MTA3: variants seen among roughly 807,000 people sequenced by gnomAD.
MTA3 encodes metastasis associated 1 family member 3, also known as metastasis-associated protein MTA3.
A neutral mutation model predicts 83.5 loss-of-function variants in MTA3; 34 were observed. That is an observed-to-expected ratio of 0.41 (90% confidence interval 0.31 to 0.54). MTA3 has a LOEUF of 0.54. Among genes scored for constraint, MTA3 ranks in the 20% least tolerant of loss-of-function variants. The pLI, the probability that MTA3 is intolerant of heterozygous loss-of-function variation, is 0.33. For synonymous variants in MTA3, 303 were observed against 252.7 expected (o/e 1.20, Z -1.89); for missense variants, 761 against 726.4 (o/e 1.05, Z -0.55).
chr2:42,521,748 T>A (rs1272942625), intron 2 of MTA3, among the ~76,000 whole-genome samples: 1 of 116,226 alleles, frequency 8.6e-6, no homozygotes, highest in East Asian at 2.5e-4. Flanking sequence ...TGAATCTTTC[T>A]CTCTTTTTTT....
At chr2:42,535,203 A>G (rs1253683262) in intron 2 of MTA3, among the ~76,000 whole-genome samples, 2 of 151,890 alleles carry the variant, frequency 1.3e-5, no homozygotes, top group Non-Finnish European at 2.9e-5. Flanking sequence ...CCTGGCCAAC[A>G]TGGTAAAACC....
intron 3 of MTA3, among the ~76,000 whole-genome samples, chr2:42,593,906 T>A (rs921332250): frequency 2.3e-4 from 35 of 151,900 alleles, no homozygotes; most frequent in Non-Finnish European, 3.5e-4. Context: ...CTACCAGCAA[T>A]GAATGAGTGC....
chr2:42,657,141 C>G (rs1181919895), intron 7 of MTA3, among the ~76,000 whole-genome samples: 2 of 152,030 alleles, frequency 1.3e-5, no homozygotes, highest in African/African-American at 4.8e-5. Flanking sequence ...AAGAATGAAC[C>G]AAACATGGCA....
chr2:42,628,884 T>C (rs1026123336), intron 4 of MTA3, among the ~76,000 whole-genome samples: 4 of 152,098 alleles, frequency 2.6e-5, no homozygotes, highest in Non-Finnish European at 5.9e-5. Context: ...CTAAAAATAT[T>C]TTATGTGTAA....
chr2:42,581,037 C>T (rs1018559146), intron 3 of MTA3, among the ~76,000 whole-genome samples: 24 of 152,154 alleles, frequency 1.6e-4, no homozygotes, highest in African/African-American at 5.3e-4. Context: ...ATCCGTTTAG[C>T]CAGGCAAGTT....
chr2:42,609,062 T>C (rs568951338), intron 3 of MTA3, among the ~76,000 whole-genome samples: 117 of 151,280 alleles, frequency 7.7e-4, no homozygotes, highest in Admixed American at 4.1e-3. Context: ...GACAGATTCT[T>C]GCTCTTTCAC....
intron 9 of MTA3, among the ~76,000 whole-genome samples, chr2:42,686,956 A>C (rs1348344611): frequency 7.3e-6 from 1 of 137,722 alleles, no homozygotes; most frequent in Non-Finnish European, 1.6e-5. Flanking sequence ...CCATCTCTAC[A>C]AAAAAAAAAA....
chr2:42,670,386 T>TA (rs1385463066), intron 8 of MTA3, among the ~76,000 whole-genome samples: 1 of 152,216 alleles, frequency 6.6e-6, no homozygotes, highest in Non-Finnish European at 1.5e-5. Flanking sequence ...GCTTTATTAT[T>TA]ATTATTGTCA....
rs1401967191 is a variant in MTA3 at position 42,568,751 on chromosome 2, G to A, written c.6G>A (p.Ala2=). The A allele has an allele frequency of 5.7e-6, 7 of 1,219,420 alleles. No individual in the cohort carries two copies. The highest frequency in any genetic ancestry group is 6.1e-6 in the Non-Finnish European group (6 of 981,030). 75.5% of individuals were successfully genotyped at this position (1,219,420 alleles called of 1,614,324 possible). The change falls in exon 1 of 17, where the codon GCG becomes GCA. Residue 2 remains alanine, a synonymous_variant. Transcript: ENST00000405094. M[A]ANMYRVGDYV... ...CCGCGGGCGGGCGGGCGGACATGGC[G>A]GCCAACATGTACCGGGTCGGAGGTA...
chr2:42,670,791 T>G (rs1317849528), intron 8 of MTA3, among the ~76,000 whole-genome samples: 2 of 151,740 alleles, frequency 1.3e-5, no homozygotes, highest in African/African-American at 4.8e-5. Flanking sequence ...AAGTAAAATT[T>G]CAGAATAAAT....
At chr2:42,684,810 A>G (rs574280172) in intron 9 of MTA3, among the ~76,000 whole-genome samples, 1 of 152,356 alleles carries the variant, frequency 6.6e-6, no homozygotes, top group South Asian at 2.1e-4. Context: ...CAGGCTTGCA[A>G]AAAGGCACTA....
chr2:42,585,411 A>G (rs1395564431), intron 3 of MTA3, among the ~76,000 whole-genome samples: 3 of 151,936 alleles, frequency 2.0e-5, no homozygotes, highest in African/African-American at 7.2e-5. Context: ...TATTAAAAAG[A>G]AAAACATTGT....
chr2:42,750,148 A>G (rs1669765499), intron 16 of MTA3, among the ~76,000 whole-genome samples: 1 of 151,252 alleles, frequency 6.6e-6, no homozygotes, highest in Admixed American at 6.6e-5. Context: ...GCCCCATAAC[A>G]CCTGGCTAAT....
chr2:42,513,995 C>T (rs370433508), intron 2 of MTA3, among the ~76,000 whole-genome samples: 6 of 152,286 alleles, frequency 3.9e-5, no homozygotes, highest in East Asian at 1.9e-4. Context: ...GAATGGATCA[C>T]CTGAGGTCAG....
intron 16 of MTA3, 163 bp downstream of exon 16, chr2:42,723,198 G>A (rs1667553712): frequency 1.2e-6 from 1 of 861,656 alleles, no homozygotes; most frequent in Non-Finnish European, 1.7e-6. Flanking sequence ...GCCACATTTT[G>A]CCAAGGGATA....
At chr2:42,495,906 T>G (rs1403013357) in intron 2 of MTA3, among the ~76,000 whole-genome samples, 1 of 152,202 alleles carries the variant, frequency 6.6e-6, no homozygotes, top group Non-Finnish European at 1.5e-5. Flanking sequence ...TTTGCAGGTC[T>G]TGAAGATGGA....
At chr2:42,691,160 T>C (rs4953569) in intron 9 of MTA3, among the ~76,000 whole-genome samples, 120,570 of 151,984 alleles carry the variant, frequency 0.79, 48,719 homozygotes, top group African/African-American at 0.95. Flanking sequence ...TACAGGCGCA[T>C]GCCACCAGCC....
At chr2:42,628,831 T>A (rs1002406961) in intron 4 of MTA3, among the ~76,000 whole-genome samples, 3 of 151,652 alleles carry the variant, frequency 2.0e-5, no homozygotes, top group African/African-American at 7.3e-5. Context: ...TGAAGGGAAA[T>A]TTTTCCTCGG....
chr2:42,659,871 T>A lies in MTA3; in HGVS notation c.702+9T>A, dbSNP rs766949596. 1.3e-6 allele frequency: 2 copies of A among 1,588,022 alleles called. No homozygotes were observed. Among genetic ancestry groups the A allele is most frequent in the South Asian group, 2.3e-5 (2 of 86,994 alleles). ...CCCGAGACATCACCTTGGTAAGACATGGTTTGAAATTTTGTGGGTATTTAT... is the reference window on the plus strand; with the variant it reads ...CCCGAGACATCACCTTGGTAAGACAAGGTTTGAAATTTTGTGGGTATTTAT... On this transcript the variant is annotated intron_variant, in intron 8 of 16. Coordinates refer to ENST00000405094, the MANE Select transcript of MTA3 (RefSeq NM_001330442.2).
Sources: allele counts gnomAD v4.1 joint callset (sites outside exome capture counted in the v4.1 genomes callset), GRCh38; gene constraint gnomAD v4.1.1; transcripts MANE v1.5; gene names NCBI Gene and HGNC (gene_info 2026-07-23, HGNC 2026-07-21).